The following BMERB1 variants were observed in gnomAD, a reference collection of about 807,000 sequenced individuals.
BMERB1 encodes the protein bMERB domain containing 1.
Under a neutral mutation model 23.6 loss-of-function variants are expected in BMERB1, and 12 were observed. The ratio of observed to expected loss-of-function variants is 0.51; its 90% CI spans 0.33 to 0.82. BMERB1 has a LOEUF of 0.82. Among genes scored for constraint, BMERB1 ranks in the 40% least tolerant of loss-of-function variants. The pLI is 0.03. For synonymous variants in BMERB1, 122 were observed against 96.6 expected (o/e 1.26, Z -1.54); for missense variants, 247 against 255.4 (o/e 0.97, Z 0.22).
chr16:15,534,540 T>G (rs1367421080), intron 2 of BMERB1, among the ~76,000 whole-genome samples: 1 of 151,552 alleles, frequency 6.6e-6, no homozygotes, highest in Non-Finnish European at 1.5e-5. Context: ...GGCAAGAGAG[T>G]GAGACTCTGT....
At chr16:15,533,544 C>T (rs1055180097) in intron 2 of BMERB1, among the ~76,000 whole-genome samples, 1 of 151,948 alleles carries the variant, frequency 6.6e-6, no homozygotes, top group African/African-American at 2.4e-5. Flanking sequence ...AAGTAGCAGC[C>T]TCAGGTGTAG....
intron 2 of BMERB1, among the ~76,000 whole-genome samples, chr16:15,555,867 T>C (rs2150967821): frequency 6.6e-6 from 1 of 152,004 alleles, no homozygotes; most frequent in South Asian, 2.1e-4. Context: ...TTGGAACCAT[T>C]TGATTTGAGG....
At chr16:15,543,204 C>T (rs953191047) in intron 2 of BMERB1, among the ~76,000 whole-genome samples, 2 of 152,074 alleles carry the variant, frequency 1.3e-5, no homozygotes, top group African/African-American at 4.8e-5. Flanking sequence ...CTGACTGTCC[C>T]CAGCCAAACT....
At chr16:15,471,043 C>T (rs537587016) in intron 1 of BMERB1, among the ~76,000 whole-genome samples, 1 of 151,192 alleles carries the variant, frequency 6.6e-6, no homozygotes, top group African/African-American at 2.4e-5. Flanking sequence ...CACGATGTTG[C>T]CCAAGCTAGT....
chr16:15,575,111 G>A (rs1016853149), intron 3 of BMERB1, among the ~76,000 whole-genome samples: 18 of 152,186 alleles, frequency 1.2e-4, no homozygotes, highest in African/African-American at 3.9e-4. Context: ...AATAAAAATC[G>A]GGGGTCAGCA....
intron 1 of BMERB1, among the ~76,000 whole-genome samples, chr16:15,491,998 G>A (rs1265224281): frequency 1.3e-5 from 2 of 152,148 alleles, no homozygotes; most frequent in Non-Finnish European, 2.9e-5. Flanking sequence ...AATATTGCCT[G>A]GTGTGTGGCG....
At chr16:15,506,448 A>T (rs1178275875) in intron 1 of BMERB1, among the ~76,000 whole-genome samples, 2 of 152,210 alleles carry the variant, frequency 1.3e-5, no homozygotes, top group Non-Finnish European at 2.9e-5. Flanking sequence ...CTGGGATTAC[A>T]GGCGTGAGCC....
At chr16:15,506,005 T>C (rs1324533737) in intron 1 of BMERB1, among the ~76,000 whole-genome samples, 2 of 152,122 alleles carry the variant, frequency 1.3e-5, no homozygotes, top group Non-Finnish European at 2.9e-5. Flanking sequence ...CACTGTTTTG[T>C]AGCTCTTTTG....
At chr16:15,472,272 G>A (rs2051235295) in intron 1 of BMERB1, among the ~76,000 whole-genome samples, 1 of 152,184 alleles carries the variant, frequency 6.6e-6, no homozygotes, top group Admixed American at 6.5e-5. Flanking sequence ...TATCAATTAA[G>A]TTGAATGTTA....
chr16:15,549,251 A>T (rs919976316), intron 2 of BMERB1, among the ~76,000 whole-genome samples: 1 of 151,346 alleles, frequency 6.6e-6, no homozygotes, highest in Admixed American at 6.6e-5. Context: ...AGCCAGAGGA[A>T]TTGCTTGAAC....
chr16:15,437,878 A>G (rs1207900342), intron 1 of BMERB1, among the ~76,000 whole-genome samples: 1 of 151,486 alleles, frequency 6.6e-6, no homozygotes, highest in Non-Finnish European at 1.5e-5. Context: ...GAATGGCGTG[A>G]ACCTGGGAGG....
At chr16:15,443,414 A>G (rs1158312525) in intron 1 of BMERB1, among the ~76,000 whole-genome samples, 1 of 151,160 alleles carries the variant, frequency 6.6e-6, no homozygotes, top group Non-Finnish European at 1.5e-5. Flanking sequence ...AATTAGCTGG[A>G]CGTGGTGCTA....
chr16:15,504,780 A>T lies in BMERB1; in HGVS notation c.107-10525A>T, dbSNP rs948314102. Among the ~76,000 whole-genome samples, 9 of 51,996 alleles carry T rather than the reference A, an allele frequency of 1.7e-4. No homozygotes were observed. In the East Asian group the frequency reaches 2.7e-3, roughly 16 times the overall value. 34.1% of individuals were successfully genotyped at this position (51,996 alleles called of 152,430 possible). A position where few individuals can be genotyped will look rare whatever the true frequency, so the allele number is the denominator to read the frequency against. On this transcript the variant is annotated intron_variant, in intron 1 of 5. Transcript: ENST00000300006. ...ATTTTCTAGAAATATAAAAGTATTA[A>T]AAAAAAAAAGTATATTTAAAAACCC...
intron 1 of BMERB1, among the ~76,000 whole-genome samples, chr16:15,500,931 C>T (rs529046249): frequency 4.6e-5 from 7 of 152,124 alleles, no homozygotes; most frequent in Non-Finnish European, 8.8e-5. Context: ...GGATTACAGG[C>T]GTGAGCCACC....
chr16:15,534,679 G>A (rs1231665309), intron 2 of BMERB1, among the ~76,000 whole-genome samples: 1 of 152,170 alleles, frequency 6.6e-6, no homozygotes, highest in East Asian at 1.9e-4. Flanking sequence ...GTGCCATAAG[G>A]CAGTGGGGTG....
chr16:15,525,989 G>T, intron 2 of BMERB1, among the ~76,000 whole-genome samples: 1 of 152,026 alleles, frequency 6.6e-6, no homozygotes, highest in Non-Finnish European at 1.5e-5. Flanking sequence ...GTCTACCCCT[G>T]GTTAGCCAGT....
intron 1 of BMERB1, chr16:15,447,880 G>T: frequency 2.2e-6 from 1 of 455,780 alleles, no homozygotes; most frequent in South Asian, 1.5e-5. Flanking sequence ...AGGGAAAGAA[G>T]TAGCATTTAT....
intron 1 of BMERB1, among the ~76,000 whole-genome samples, chr16:15,444,131 T>TTTTTTTTTTTTTTTTTTTTTTTTTTTTTG: frequency 8.9e-6 from 1 of 112,866 alleles, no homozygotes; most frequent in Admixed American, 9.1e-5. Context: ...TTGTTTTTTT[T>TTTTTTTTTTTTTTTTTTTTTTTTTTTTTG]TTTTTTTTTT....
chr16:15,463,141 C>T (rs1018941589), intron 1 of BMERB1, among the ~76,000 whole-genome samples: 6 of 150,994 alleles, frequency 4.0e-5, no homozygotes, highest in African/African-American at 1.5e-4. Context: ...TGCAGTGGTG[C>T]GACCATGGCT....
Sources: gnomAD v4.1 joint callset for allele counts (sites outside exome capture counted in the v4.1 genomes callset) on GRCh38, gnomAD v4.1.1 for gene constraint, MANE v1.5 for transcripts, NCBI Gene and HGNC (gene_info 2026-07-23, HGNC 2026-07-21) for gene names.